Variants in IPO11 observed in about 807,000 individuals in gnomAD.
IPO11 encodes the protein importin 11, also known as importin-11.
In IPO11, 66 loss-of-function variants were observed where a neutral mutation model predicts 143.2. The ratio of observed to expected loss-of-function variants is 0.46; its 90% CI spans 0.38 to 0.57. IPO11 has a LOEUF of 0.57. IPO11 is among the 20% of genes least tolerant of loss of function. The pLI is 0.00. For synonymous variants in IPO11, 385 were observed against 377.8 expected (o/e 1.02, Z -0.22); for missense variants, 1,026 against 1,141.0 (o/e 0.90, Z 1.45).
At chr5:62,511,993 GCACATCGTGGCTTCTGGGGT>G (rs1449840167) in intron 19 of IPO11, among the ~76,000 whole-genome samples, 1 of 152,048 alleles carries the variant, frequency 6.6e-6, no homozygotes, top group African/African-American at 2.4e-5. Flanking sequence ...TGGATACAGA[GCACATCGTGGCTTCTGGGGT>G]CACACTCAGC....
chr5:62,577,692 C>T (rs1304966799), intron 27 of IPO11, among the ~76,000 whole-genome samples: 2 of 151,944 alleles, frequency 1.3e-5, no homozygotes, highest in Non-Finnish European at 1.5e-5. Flanking sequence ...ATTTTGATAA[C>T]GATCTGCTAT....
intron 19 of IPO11, among the ~76,000 whole-genome samples, chr5:62,514,394 A>C (rs2112283149): frequency 6.6e-6 from 1 of 152,134 alleles, no homozygotes; most frequent in South Asian, 2.1e-4. Flanking sequence ...GCTGGAGACC[A>C]GTCTGGCCAA....
In IPO11 at chr5:62,538,727, G is replaced by A. The variant is rs1191547954; in HGVS notation, c.2250+1438G>A. On this transcript the variant is annotated intron_variant, in intron 24 of 29. Coordinates refer to ENST00000325324, the MANE Select transcript of IPO11 (RefSeq NM_016338.5). ...AATTGACTCATACATTAACCAGTAA[G>A]ATACCATCTAGATTTGCGTAAGCAC... Among the ~76,000 whole-genome samples the A allele has an allele frequency of 8.5e-5, 13 of 152,180 alleles. 1 individual carries two copies. The highest frequency in any genetic ancestry group is 8.5e-4 in the Admixed American group (13 of 15,270).
intron 1 of IPO11, among the ~76,000 whole-genome samples, chr5:62,418,030 G>A (rs1479235950): frequency 3.3e-5 from 5 of 152,116 alleles, no homozygotes; most frequent in Non-Finnish European, 7.3e-5. Flanking sequence ...TTCACTCGTA[G>A]CCCAGGCTAA....
intron 19 of IPO11, among the ~76,000 whole-genome samples, chr5:62,512,702 CA>C (rs1345302689): frequency 7.0e-6 from 1 of 142,936 alleles, no homozygotes; most frequent in African/African-American, 2.6e-5. Flanking sequence ...GGTCAGCAGA[CA>C]AACAAGTGAA....
At chr5:62,611,139 A>G (rs1242877801) in intron 29 of IPO11, among the ~76,000 whole-genome samples, 1 of 152,204 alleles carries the variant, frequency 6.6e-6, no homozygotes, top group Non-Finnish European at 1.5e-5. Context: ...TAAACCAAAC[A>G]TAGCTTTCCT....
At chr5:62,599,593 C>T (rs1454665671) in intron 28 of IPO11, among the ~76,000 whole-genome samples, 2 of 152,130 alleles carry the variant, frequency 1.3e-5, no homozygotes, top group Non-Finnish European at 2.9e-5. Flanking sequence ...ATGCTAACAC[C>T]TGTTGGTTCT....
intron 1 of IPO11, among the ~76,000 whole-genome samples, chr5:62,416,542 C>T (rs771618671): frequency 6.6e-6 from 1 of 152,008 alleles, no homozygotes; most frequent in Non-Finnish European, 1.5e-5. Context: ...CCCTAACAAC[C>T]TCATCTTATC....
At chr5:62,592,995 A>G (rs563983240) in intron 28 of IPO11, among the ~76,000 whole-genome samples, 3 of 152,318 alleles carry the variant, frequency 2.0e-5, no homozygotes, top group South Asian at 2.1e-4. Flanking sequence ...TTACAACTCA[A>G]TGTGAAACAT....
chr5:62,418,181 T>G (rs1473457918), intron 1 of IPO11, among the ~76,000 whole-genome samples: 2 of 151,824 alleles, frequency 1.3e-5, no homozygotes, highest in Non-Finnish European at 2.9e-5. Context: ...TTTTTTTTCT[T>G]TGAGAGAGAG....
At chr5:62,535,759 AT>A (rs1486662831) in intron 22 of IPO11, among the ~76,000 whole-genome samples, 1 of 152,160 alleles carries the variant, frequency 6.6e-6, no homozygotes, top group Non-Finnish European at 1.5e-5. Flanking sequence ...GATATGATAG[AT>A]AAGAACACAG....
Position 62,626,410 on chromosome 5 carries a change from T to A in IPO11, c.2764-744T>A, listed in dbSNP as rs116458429. On this transcript the variant is annotated intron_variant, in intron 29 of 29. Coordinates refer to ENST00000325324, the MANE Select transcript of IPO11 (RefSeq NM_016338.5). ...CATTATTATTAAGTAAACTCCAGAC[T>A]TTTATTTAGATTTTACCAGTTTTTC... is the stretch of plus-strand genomic sequence containing the variant. Among the ~76,000 whole-genome samples the A allele has an allele frequency of 3.7e-3, 566 of 152,296 alleles. 8 individuals carry two copies. Among genetic ancestry groups the A allele is most frequent in the African/African-American group, 0.013 (551 of 41,568 alleles).
chr5:62,505,046 A>G (rs1201009585), intron 18 of IPO11, 148 bp downstream of exon 18: 1 of 453,774 alleles, frequency 2.2e-6, no homozygotes, highest in Non-Finnish European at 3.8e-6. Context: ...GGAGGACATA[A>G]TTTTTATTTG....
At chr5:62,421,400 A>G (rs2112097019) in intron 1 of IPO11, among the ~76,000 whole-genome samples, 1 of 152,344 alleles carries the variant, frequency 6.6e-6, no homozygotes, top group Non-Finnish European at 1.5e-5. Flanking sequence ...ATAGGCTGTG[A>G]ACTTGATGTA....
chr5:62,525,451 C>A (rs1250695294), intron 20 of IPO11, among the ~76,000 whole-genome samples: 2 of 151,380 alleles, frequency 1.3e-5, no homozygotes, highest in Non-Finnish European at 2.9e-5. Context: ...GGGATCATAG[C>A]TCACTGACTG....
At position 62,581,503 on chromosome 5, in the gene IPO11, T is replaced by C. The variant is rs1217383235; in HGVS notation, c.2583-10074T>C. 1.0e-5 allele frequency: 5 copies of C among 479,148 alleles called. No homozygotes were observed. In the East Asian group the frequency reaches 1.8e-4, roughly 17 times the overall value. 29.7% of individuals were successfully genotyped at this position (479,148 alleles called of 1,614,324 possible). ...TTTCTTTGATATATACTGTATTAAGTAATAATAGCTAACATTTCTGTGTAT... is the reference window on the plus strand; with the variant it reads ...TTTCTTTGATATATACTGTATTAAGCAATAATAGCTAACATTTCTGTGTAT... On this transcript the variant is annotated intron_variant, in intron 27 of 29. Transcript: ENST00000325324.
rs1398346270 is a variant in IPO11 at position 62,483,249 on chromosome 5, T to C, written c.977T>C (p.Met326Thr). ...GTCCAATGTATGAATCTTATTAAGA[T>C]GATTGTCAAAAATTATGCTTATAAG... is the stretch of plus-strand genomic sequence containing the variant. ...FIVQCMNLIKMIVKNYAYKPS... is the reference protein window; with the variant it reads ...FIVQCMNLIKTIVKNYAYKPS... The change falls in exon 10 of 30, where the codon ATG becomes ACG. Residue 326 changes from methionine (M) to threonine (T), a missense_variant. This residue lies in a region of IPO11 where 429 missense variants were observed against 456.3 expected (regional missense o/e 0.94). Coordinates refer to ENST00000325324, the MANE Select transcript of IPO11 (RefSeq NM_016338.5). The C allele has an allele frequency of 6.2e-7, 1 of 1,605,932 alleles. No homozygotes were observed.
chr5:62,416,631 A>C (rs1249165702), intron 1 of IPO11, among the ~76,000 whole-genome samples: 1 of 152,160 alleles, frequency 6.6e-6, no homozygotes, highest in African/African-American at 2.4e-5. Context: ...TAAGGAACAC[A>C]GTTCAATCCA....
intron 1 of IPO11, among the ~76,000 whole-genome samples, chr5:62,425,149 C>T (rs1238083762): frequency 6.6e-6 from 1 of 152,172 alleles, no homozygotes; most frequent in African/African-American, 2.4e-5. Context: ...GCTCTATCCT[C>T]CTAAACCCTG....
Sources: gnomAD v4.1 joint callset for allele counts (sites outside exome capture counted in the v4.1 genomes callset) on GRCh38, gnomAD v4.1.1 for gene constraint, gnomAD v4.1.1 regional missense constraint, MANE v1.5 for transcripts, NCBI Gene and HGNC (gene_info 2026-07-23, HGNC 2026-07-21) for gene names.